Variants in NTM observed in about 807,000 individuals in gnomAD.
NTM encodes the protein IgLON family member 2.
A neutral mutation model predicts 42.1 loss-of-function variants in NTM; 13 were observed. That is an observed-to-expected ratio of 0.31 (90% confidence interval 0.20 to 0.49). The LOEUF (loss-of-function observed/expected upper bound fraction) is 0.49. Ranked by LOEUF, NTM falls within the 20% of genes least tolerant of loss-of-function variation. The pLI is 0.99. For missense variants in NTM, 373 were observed against 452.8 expected, an observed-to-expected ratio of 0.82 and a Z score of 1.60; for synonymous variants, 187 against 179.2, an observed-to-expected ratio of 1.04 and a Z score of -0.35.
intron 2 of NTM, among the ~76,000 whole-genome samples, chr11:131,976,147 CCTTCCTTCCTTT>C (rs1271899375): frequency 4.6e-4 from 65 of 142,062 alleles, no homozygotes; most frequent in Middle Eastern, 3.5e-3. Context: ...TTCCTTCCTT[CCTTCCTTCCTTT>C]CTTCCTTCCT....
At chr11:132,262,754 C>T (rs1346216305) in intron 4 of NTM, among the ~76,000 whole-genome samples, 4 of 152,184 alleles carry the variant, frequency 2.6e-5, no homozygotes, top group African/African-American at 9.7e-5. Flanking sequence ...TGTCATTCCT[C>T]CCAAATGTAT....
chr11:131,950,438 C>G (rs1423508533), intron 2 of NTM, among the ~76,000 whole-genome samples: 1 of 152,202 alleles, frequency 6.6e-6, no homozygotes, highest in East Asian at 1.9e-4. Flanking sequence ...GTTCACCTGC[C>G]TCACCTATAC....
intron 8 of NTM, among the ~76,000 whole-genome samples, chr11:132,333,371 C>T (rs146453340): frequency 3.3e-5 from 5 of 152,200 alleles, no homozygotes; most frequent in African/African-American, 7.2e-5. Context: ...AGGCATCCGG[C>T]GGAGGCTTCT....
chr11:132,289,159 A>G (rs903996619), intron 4 of NTM, among the ~76,000 whole-genome samples: 3 of 152,178 alleles, frequency 2.0e-5, no homozygotes, highest in Non-Finnish European at 2.9e-5. Context: ...ATTTGCAACA[A>G]TTCTCAGGGA....
chr11:131,966,441 A>AT (rs2062842032), intron 2 of NTM, among the ~76,000 whole-genome samples: 1 of 152,216 alleles, frequency 6.6e-6, no homozygotes, highest in Admixed American at 6.5e-5. Context: ...GCTATTGGGT[A>AT]GGGGAAAAAA....
intron 7 of NTM, among the ~76,000 whole-genome samples, chr11:132,326,672 A>C (rs2095689966): frequency 6.6e-6 from 1 of 152,192 alleles, no homozygotes; most frequent in Non-Finnish European, 1.5e-5. Flanking sequence ...GGATATCTAA[A>C]ACGTTATGAC....
chr11:131,484,265 A>AT (rs1953920446), intron 1 of NTM, among the ~76,000 whole-genome samples: 1 of 152,208 alleles, frequency 6.6e-6, no homozygotes, highest in African/African-American at 2.4e-5. Context: ...TAAATTTTGT[A>AT]TTAAAAAAAG....
At chr11:131,876,016 C>T (rs1030439864) in intron 1 of NTM, among the ~76,000 whole-genome samples, 4 of 152,196 alleles carry the variant, frequency 2.6e-5, no homozygotes, top group African/African-American at 4.8e-5. Flanking sequence ...TTGTTTTGAA[C>T]TTCTCTGTTA....
chr11:132,104,966 T>C (rs1295985342), intron 2 of NTM, among the ~76,000 whole-genome samples: 2 of 118,514 alleles, frequency 1.7e-5, no homozygotes, highest in East Asian at 2.8e-4. Context: ...TATATATATA[T>C]ATATATATAT....
Position 131,568,437 on chromosome 11 carries a change from G to A in NTM, c.82+197549G>A, listed in dbSNP as rs79920272. On this transcript the variant is annotated intron_variant, in intron 1 of 8. Transcript: ENST00000683400. ...TAAGCTCTTTGCCCAAAGTCACATT[G>A]CAAATGCCAGGAGTTAGATTCTAGC... 4.1e-3 allele frequency among the ~76,000 whole-genome samples: 617 copies of A among 152,310 alleles called. 27 individuals carry two copies. The East Asian group carries it at 0.086, about 21-fold the overall frequency.
At chr11:131,825,858 T>G (rs1259016819) in intron 1 of NTM, among the ~76,000 whole-genome samples, 1 of 152,198 alleles carries the variant, frequency 6.6e-6, no homozygotes, top group Non-Finnish European at 1.5e-5. Flanking sequence ...GTCTTGACTA[T>G]GAAGAGTTTA....
At chr11:131,776,170 C>A (rs1436239331) in intron 1 of NTM, among the ~76,000 whole-genome samples, 1 of 152,202 alleles carries the variant, frequency 6.6e-6, no homozygotes. Context: ...AGCTCTGCCA[C>A]TTTGCTTAAC....
intron 1 of NTM, among the ~76,000 whole-genome samples, chr11:131,765,487 G>A (rs11828973): frequency 0.02 from 2,990 of 152,038 alleles, 91 homozygotes; most frequent in African/African-American, 0.068. Flanking sequence ...TATCTTATCC[G>A]CTTATGTATA....
chr11:132,326,770 C>G (rs572420501), intron 7 of NTM, among the ~76,000 whole-genome samples: 76 of 152,314 alleles, frequency 5.0e-4, no homozygotes, highest in Non-Finnish European at 9.7e-4. Context: ...CACCTGGGCT[C>G]ATTTACTGCA....
intron 1 of NTM, among the ~76,000 whole-genome samples, chr11:131,496,622 T>G (rs73024132): frequency 0.071 from 10,797 of 152,286 alleles, 466 homozygotes; most frequent in South Asian, 0.17. Flanking sequence ...CAAAGCCCCC[T>G]TCACTGGGAA....
At chr11:131,916,112 C>T (rs555494912) in intron 2 of NTM, among the ~76,000 whole-genome samples, 8 of 152,310 alleles carry the variant, frequency 5.3e-5, no homozygotes, top group Admixed American at 1.3e-4. Context: ...TCACGCTGTC[C>T]GTGGCTGGAG....
intron 1 of NTM, among the ~76,000 whole-genome samples, chr11:131,381,801 C>A (rs928922507): frequency 3.3e-5 from 5 of 152,160 alleles, no homozygotes; most frequent in African/African-American, 4.8e-5. Flanking sequence ...ATCAGAATCA[C>A]CTCTGGAGAT....
chr11:131,800,788 C>T (rs1267000351), intron 1 of NTM, among the ~76,000 whole-genome samples: 1 of 152,140 alleles, frequency 6.6e-6, no homozygotes, highest in Non-Finnish European at 1.5e-5. Flanking sequence ...TCACAACCTC[C>T]AAAAACTCTA....
intron 2 of NTM, among the ~76,000 whole-genome samples, chr11:132,041,018 C>T (rs1342316336): frequency 6.6e-6 from 1 of 152,114 alleles, no homozygotes; most frequent in Non-Finnish European, 1.5e-5. Flanking sequence ...CAGTAGATGT[C>T]CAGTAAATTT....
Sources: allele counts gnomAD v4.1 joint callset (sites outside exome capture counted in the v4.1 genomes callset), GRCh38; gene constraint gnomAD v4.1.1; transcripts MANE v1.5; gene names NCBI Gene and HGNC (gene_info 2026-07-23, HGNC 2026-07-21).